The following SGMS1 variants were observed in gnomAD, a reference collection of about 807,000 sequenced individuals.
The protein encoded by SGMS1 is phosphatidylcholine:ceramide cholinephosphotransferase 1.
In SGMS1, 13 loss-of-function variants were observed where a neutral mutation model predicts 46.2. The ratio of observed to expected loss-of-function variants is 0.28; its 90% confidence interval spans 0.18 to 0.45. The LOEUF is 0.45. Ranked by LOEUF, SGMS1 falls within the 20% of genes least tolerant of loss-of-function variation. The pLI, the probability that SGMS1 is intolerant of heterozygous loss-of-function variation, is 1.00. For missense variants in SGMS1, 324 were observed against 519.9 expected (o/e 0.62, Z 3.66); for synonymous variants, 203 against 187.8 (o/e 1.08, Z -0.66).
chr10:50,484,129 T>A (rs1837500105), intron 3 of SGMS1, among the ~76,000 whole-genome samples: 1 of 151,342 alleles, frequency 6.6e-6, no homozygotes, highest in Non-Finnish European at 1.5e-5. Context: ...AAAATATTAA[T>A]AAAATAGATA....
intron 6 of SGMS1, among the ~76,000 whole-genome samples, chr10:50,373,071 C>T (rs948258952): frequency 6.6e-6 from 1 of 152,138 alleles, no homozygotes; most frequent in Admixed American, 6.5e-5. Context: ...TCAAAGCTAT[C>T]AAAATCCTCC....
intron 2 of SGMS1, among the ~76,000 whole-genome samples, chr10:50,566,949 C>T (rs140864252): frequency 5.9e-5 from 9 of 151,416 alleles, no homozygotes; most frequent in Non-Finnish European, 1.2e-4. Context: ...TTGTTGTTGT[C>T]GTTGTTGTTG....
chr10:50,416,672 G>C (rs1318495251), intron 6 of SGMS1, among the ~76,000 whole-genome samples: 1 of 152,058 alleles, frequency 6.6e-6, no homozygotes, highest in African/African-American at 2.4e-5. Flanking sequence ...TTTACACAGA[G>C]CCATTTGATC....
intron 8 of SGMS1, among the ~76,000 whole-genome samples, chr10:50,316,844 A>G (rs916797992): frequency 2.6e-5 from 4 of 152,176 alleles, no homozygotes; most frequent in African/African-American, 4.8e-5. Flanking sequence ...CACACCTTAC[A>G]CACTGTGGTG....
chr10:50,425,758 T>A (rs56117012), intron 6 of SGMS1, among the ~76,000 whole-genome samples: 1 of 152,308 alleles, frequency 6.6e-6, no homozygotes, highest in African/African-American at 2.4e-5. Context: ...GGAAATTTTT[T>A]AAAAAGCCGT....
intron 6 of SGMS1, among the ~76,000 whole-genome samples, chr10:50,346,459 G>A (rs1038369799): frequency 1.3e-5 from 2 of 152,006 alleles, no homozygotes; most frequent in Non-Finnish European, 2.9e-5. Context: ...CCCTGAGTAT[G>A]TTTTTGTGAA....
chr10:50,401,893 TCAC>T (rs1201486332), intron 6 of SGMS1, among the ~76,000 whole-genome samples: 2 of 152,236 alleles, frequency 1.3e-5, no homozygotes, highest in Non-Finnish European at 2.9e-5. Context: ...AAAGACAAAT[TCAC>T]AAATGAATTT....
chr10:50,306,474 C>A lies in SGMS1; in HGVS notation c.*668G>T, dbSNP rs1847183547. ...CTCTTCTCTCTGACATGTTAAAAATCTTTAAATTTGGTGTTCATAACATCA... is the reference window on the plus strand; with the variant it reads ...CTCTTCTCTCTGACATGTTAAAAATATTTAAATTTGGTGTTCATAACATCA... On this transcript the variant is annotated 3_prime_UTR_variant, in exon 11 of 11. Transcript: ENST00000361781. 6.6e-6 allele frequency: 1 copy of A among 152,646 alleles called. No individual in the cohort carries two copies. The highest frequency in any genetic ancestry group is 2.4e-5 in the African/African-American group (1 of 41,432). 9.5% of individuals were successfully genotyped at this position (152,646 alleles called of 1,614,324 possible).
At chr10:50,452,527 T>G (rs1019868642) in intron 5 of SGMS1, among the ~76,000 whole-genome samples, 1 of 152,046 alleles carries the variant, frequency 6.6e-6, no homozygotes, top group Admixed American at 6.5e-5. Flanking sequence ...AAGTATAAAA[T>G]CTCTGTAAAT....
chr10:50,353,571 G>T (rs1379507184), intron 6 of SGMS1, among the ~76,000 whole-genome samples: 1 of 152,294 alleles, frequency 6.6e-6, no homozygotes, highest in Non-Finnish European at 1.5e-5. Flanking sequence ...TCAACATAGT[G>T]TTGGAAGTTC....
chr10:50,570,131 C>T (rs947872702), intron 2 of SGMS1, among the ~76,000 whole-genome samples: 69 of 152,298 alleles, frequency 4.5e-4, no homozygotes, highest in Non-Finnish European at 6.0e-4. Flanking sequence ...GCTTCTTATT[C>T]CCCGAGCAAA....
intron 1 of SGMS1, among the ~76,000 whole-genome samples, chr10:50,617,793 G>GAA (rs1838811723): frequency 6.6e-6 from 1 of 151,598 alleles, no homozygotes; most frequent in African/African-American, 2.4e-5. Flanking sequence ...CTCTGTTCTT[G>GAA]AATTCCTGGG....
chr10:50,611,086 G>T (rs1588892299), intron 1 of SGMS1, among the ~76,000 whole-genome samples: 1 of 152,228 alleles, frequency 6.6e-6, no homozygotes, highest in Non-Finnish European at 1.5e-5. Flanking sequence ...AGTCCACGTG[G>T]TGAAAATCTC....
At chr10:50,346,660 G>C (rs1422697492) in intron 6 of SGMS1, among the ~76,000 whole-genome samples, 1 of 152,022 alleles carries the variant, frequency 6.6e-6, no homozygotes, top group Non-Finnish European at 1.5e-5. Context: ...CCTACTCCTT[G>C]CCCCTTTTCC....
At chr10:50,383,738 C>A (rs918478470) in intron 6 of SGMS1, among the ~76,000 whole-genome samples, 65 of 152,050 alleles carry the variant, frequency 4.3e-4, no homozygotes, top group African/African-American at 1.5e-3. Flanking sequence ...ATCTATATAT[C>A]CTATATTATT....
At chr10:50,595,649 G>A (rs1417552729) in intron 1 of SGMS1, among the ~76,000 whole-genome samples, 1 of 152,228 alleles carries the variant, frequency 6.6e-6, no homozygotes, top group Non-Finnish European at 1.5e-5. Flanking sequence ...CAAAGTTCAT[G>A]CTGTTTCCAC....
At chr10:50,442,357 G>T (rs910497756) in intron 5 of SGMS1, among the ~76,000 whole-genome samples, 3 of 151,790 alleles carry the variant, frequency 2.0e-5, no homozygotes, top group Admixed American at 6.6e-5. Context: ...CCCTCTGACA[G>T]GTCCCAGTGT....
At chr10:50,491,314 C>T (rs1471939266) in intron 3 of SGMS1, among the ~76,000 whole-genome samples, 1 of 152,196 alleles carries the variant, frequency 6.6e-6, no homozygotes, top group Non-Finnish European at 1.5e-5. Context: ...GACAGTATCA[C>T]TGTACTCTAG....
chr10:50,318,125 GAA>G (rs1847378039), intron 8 of SGMS1, among the ~76,000 whole-genome samples: 1 of 152,072 alleles, frequency 6.6e-6, no homozygotes, highest in African/African-American at 2.4e-5. Flanking sequence ...CATTTCTGTG[GAA>G]TTCTTTCACA....
Sources: allele counts gnomAD v4.1 joint callset (sites outside exome capture counted in the v4.1 genomes callset), GRCh38; gene constraint gnomAD v4.1.1; transcripts MANE v1.5; gene names NCBI Gene and HGNC (gene_info 2026-07-23, HGNC 2026-07-21).